Variants in HS6ST3 observed in about 807,000 individuals in gnomAD.
HS6ST3 encodes the protein heparan-sulfate 6-O-sulfotransferase 3.
Under a neutral mutation model 36.7 loss-of-function variants are expected in HS6ST3, and 12 were observed. That is an observed-to-expected ratio of 0.33 (90% CI 0.21 to 0.53). The LOEUF (loss-of-function observed/expected upper bound fraction) is 0.53, where lower values mean the gene tolerates loss of function less well. Among genes scored for constraint, HS6ST3 ranks in the 20% least tolerant of loss-of-function variants. The pLI is 0.95. For synonymous variants in HS6ST3, 240 were observed against 257.5 expected (o/e 0.93, Z 0.65); for missense variants, 584 against 640.9 (o/e 0.91, Z 0.96).
chr13:96,473,871 T>C (rs988315711), intron 1 of HS6ST3, among the ~76,000 whole-genome samples: 1 of 152,140 alleles, frequency 6.6e-6, no homozygotes, highest in South Asian at 2.1e-4. Flanking sequence ...AGGAACACTT[T>C]TGCTACCGTG....
chr13:96,265,288 C>T (rs911656865), intron 1 of HS6ST3, among the ~76,000 whole-genome samples: 6 of 152,078 alleles, frequency 3.9e-5, no homozygotes, highest in African/African-American at 7.2e-5. Flanking sequence ...GATCCTCCCA[C>T]CTGAGCCTCA....
chr13:96,602,108 C>A (rs901059009), intron 1 of HS6ST3, among the ~76,000 whole-genome samples: 1 of 152,300 alleles, frequency 6.6e-6, no homozygotes, highest in African/African-American at 2.4e-5. Context: ...CAGGTAAAAA[C>A]CAGCTGTGGC....
chr13:96,438,389 C>T (rs2055653462), intron 1 of HS6ST3, among the ~76,000 whole-genome samples: 1 of 152,182 alleles, frequency 6.6e-6, no homozygotes, highest in Admixed American at 6.5e-5. Flanking sequence ...TCTTATTTTA[C>T]AGATAAGGTC....
intron 1 of HS6ST3, among the ~76,000 whole-genome samples, chr13:96,580,083 A>G (rs981231840): frequency 3.3e-5 from 5 of 151,812 alleles, no homozygotes; most frequent in African/African-American, 1.2e-4. Flanking sequence ...CCTTATATAA[A>G]TATTTTTCTC....
At chr13:96,106,623 G>C (rs1456034685) in intron 1 of HS6ST3, among the ~76,000 whole-genome samples, 1 of 152,200 alleles carries the variant, frequency 6.6e-6, no homozygotes, top group Non-Finnish European at 1.5e-5. Context: ...CAGAGCACAG[G>C]AAGTATCTCA....
intron 1 of HS6ST3, among the ~76,000 whole-genome samples, chr13:96,307,499 A>G (rs575436022): frequency 6.6e-5 from 10 of 152,162 alleles, no homozygotes; most frequent in African/African-American, 9.7e-5. Context: ...CTGCCGAGGT[A>G]TATTTATTAA....
chr13:96,207,922 C>T (rs1421450263), intron 1 of HS6ST3, among the ~76,000 whole-genome samples: 2 of 152,080 alleles, frequency 1.3e-5, no homozygotes, highest in Non-Finnish European at 2.9e-5. Flanking sequence ...ATGTAGCAAA[C>T]CACCATGGCA....
chr13:96,114,894 C>G (rs1325114850), intron 1 of HS6ST3, among the ~76,000 whole-genome samples: 1 of 152,214 alleles, frequency 6.6e-6, no homozygotes, highest in Non-Finnish European at 1.5e-5. Flanking sequence ...AGTGCAAGGA[C>G]TCTACCTGTT....
intron 1 of HS6ST3, among the ~76,000 whole-genome samples, chr13:96,697,389 A>G (rs1875158023): frequency 6.6e-6 from 1 of 152,058 alleles, no homozygotes; most frequent in Non-Finnish European, 1.5e-5. Context: ...ATGGCAAGTA[A>G]AAGTTTCACC....
chr13:96,464,019 GTTTTTT>G (rs66703746), intron 1 of HS6ST3, among the ~76,000 whole-genome samples: 76 of 127,390 alleles, frequency 6.0e-4, no homozygotes, highest in Middle Eastern at 4.4e-3. Context: ...CCATAGACAG[GTTTTTT>G]TTTTTTTTTT....
chr13:96,416,419 C>T (rs1490883227), intron 1 of HS6ST3, among the ~76,000 whole-genome samples: 1 of 152,152 alleles, frequency 6.6e-6, no homozygotes, highest in Non-Finnish European at 1.5e-5. Context: ...ATAAATTTTG[C>T]AATCACTAAG....
At chr13:96,309,095 T>C (rs1332518344) in intron 1 of HS6ST3, among the ~76,000 whole-genome samples, 2 of 152,136 alleles carry the variant, frequency 1.3e-5, no homozygotes, top group African/African-American at 4.8e-5. Flanking sequence ...AAATATTTAT[T>C]TTCCTCAAAT....
intron 1 of HS6ST3, among the ~76,000 whole-genome samples, chr13:96,553,193 A>G (rs944431930): frequency 2.0e-5 from 3 of 152,164 alleles, no homozygotes; most frequent in African/African-American, 7.2e-5. Context: ...TGGTCCTTCT[A>G]TTCCTGGCTT....
chr13:96,218,434 G>A (rs2054438042), intron 1 of HS6ST3, among the ~76,000 whole-genome samples: 1 of 152,192 alleles, frequency 6.6e-6, no homozygotes, highest in Admixed American at 6.5e-5. Context: ...GAAAGACCTG[G>A]AGGGGCAGGG....
chr13:96,460,516 A>T (rs776512341), intron 1 of HS6ST3, among the ~76,000 whole-genome samples: 87 of 152,298 alleles, frequency 5.7e-4, no homozygotes, highest in Non-Finnish European at 1.1e-3. Flanking sequence ...AGGTTTTGGA[A>T]GTATCATGGT....
At chr13:96,536,765 C>G (rs1315224626) in intron 1 of HS6ST3, among the ~76,000 whole-genome samples, 1 of 152,126 alleles carries the variant, frequency 6.6e-6, no homozygotes, top group Non-Finnish European at 1.5e-5. Context: ...CTCAAAGAGC[C>G]CATGACTAGT....
chr13:96,276,878 C>T (rs1442821896), intron 1 of HS6ST3, among the ~76,000 whole-genome samples: 1 of 152,158 alleles, frequency 6.6e-6, no homozygotes, highest in African/African-American at 2.4e-5. Context: ...TATTAGTTTG[C>T]TTTGGCCACG....
intron 1 of HS6ST3, among the ~76,000 whole-genome samples, chr13:96,774,035 C>A (rs1168486924): frequency 1.3e-5 from 2 of 152,306 alleles, no homozygotes; most frequent in East Asian, 1.9e-4. Flanking sequence ...CCCAGGCAAA[C>A]AAGGTCTGGA....
chr13:96,238,773 A>G (rs764455406), intron 1 of HS6ST3, among the ~76,000 whole-genome samples: 4 of 152,240 alleles, frequency 2.6e-5, no homozygotes, highest in African/African-American at 4.8e-5. Flanking sequence ...GCTTGTGCAT[A>G]GTCGATAGCG....
Sources: gnomAD v4.1 joint callset for allele counts (sites outside exome capture counted in the v4.1 genomes callset) on GRCh38, gnomAD v4.1.1 for gene constraint, MANE v1.5 for transcripts, NCBI Gene and HGNC (gene_info 2026-07-23, HGNC 2026-07-21) for gene names.